Variants in ZHX2 observed in about 807,000 individuals in gnomAD.
ZHX2 encodes zinc fingers and homeoboxes protein 2.
ZHX2 carries 6 observed loss-of-function variants against 21.9 expected under a neutral mutation model. That is an observed-to-expected ratio of 0.27 (90% confidence interval 0.15 to 0.54). The LOEUF is 0.54. ZHX2 is among the 20% of genes least tolerant of loss of function. ZHX2 has a pLI of 0.95. For missense variants in ZHX2, 908 were observed against 1,090.7 expected (o/e 0.83, Z 2.36); for synonymous variants, 434 against 437.1 (o/e 0.99, Z 0.09).
intron 2 of ZHX2, among the ~76,000 whole-genome samples, chr8:122,942,935 G>A (rs1348491915): frequency 1.3e-5 from 2 of 152,166 alleles, no homozygotes; most frequent in East Asian, 1.9e-4. Flanking sequence ...CTGCACCTGC[G>A]TAGTAGCATC....
At chr8:122,946,000 G>A (rs193232583) in intron 2 of ZHX2, among the ~76,000 whole-genome samples, 40 of 152,320 alleles carry the variant, frequency 2.6e-4, no homozygotes, top group African/African-American at 9.1e-4. Flanking sequence ...ACTGTGCCCA[G>A]TTCAGACCCG....
chr8:122,961,325 G>A (rs997644664), intron 3 of ZHX2, among the ~76,000 whole-genome samples: 3 of 152,158 alleles, frequency 2.0e-5, no homozygotes, highest in East Asian at 3.8e-4. Context: ...CTCCTTAAAG[G>A]CACTATCTCC....
intron 1 of ZHX2, among the ~76,000 whole-genome samples, chr8:122,846,549 ATTTTTT>A (rs201581677): frequency 0.034 from 3,807 of 111,270 alleles, 154 homozygotes; most frequent in African/African-American, 0.1. Flanking sequence ...GACTTTGTGT[ATTTTTT>A]TTTTTTTTTT....
At chr8:122,954,834 A>C (rs1813252665) in intron 3 of ZHX2, among the ~76,000 whole-genome samples, 3 of 151,312 alleles carry the variant, frequency 2.0e-5, no homozygotes. Flanking sequence ...CCAAACATGA[A>C]GAGGTTGTTT....
At chr8:122,805,952 G>T (rs757963756) in intron 1 of ZHX2, among the ~76,000 whole-genome samples, 1 of 152,134 alleles carries the variant, frequency 6.6e-6, no homozygotes, top group African/African-American at 2.4e-5. Context: ...TGCCAGAATA[G>T]TGCCCCATCT....
intron 3 of ZHX2, among the ~76,000 whole-genome samples, chr8:122,966,751 C>A (rs1280439566): frequency 6.6e-6 from 1 of 152,146 alleles, no homozygotes; most frequent in Non-Finnish European, 1.5e-5. Flanking sequence ...AATAAATTTT[C>A]TAGACTTTAA....
chr8:122,784,461 C>T (rs978241522), intron 1 of ZHX2, among the ~76,000 whole-genome samples: 1 of 152,136 alleles, frequency 6.6e-6, no homozygotes, highest in African/African-American at 2.4e-5. Flanking sequence ...TTAACCAGTC[C>T]ATTGTAGCAG....
chr8:122,965,167 T>C lies in ZHX2; in HGVS notation c.*5-8075T>C, dbSNP rs535651408. On this transcript the variant is annotated intron_variant, in intron 3 of 3. Coordinates refer to ENST00000314393, the MANE Select transcript of ZHX2 (RefSeq NM_014943.5). Reference sequence around the variant, plus strand: ...TTTCATTTGGTTCTGCTCTAATCTTTGTTATTTCTTTTCTTCTGCTGGGTT... The same window carrying C: ...TTTCATTTGGTTCTGCTCTAATCTTCGTTATTTCTTTTCTTCTGCTGGGTT... Among the ~76,000 whole-genome samples the C allele has an allele frequency of 7.2e-5, 11 of 152,156 alleles. 1 individual carries two copies. The highest frequency in any genetic ancestry group is 2.2e-4 in the African/African-American group (9 of 41,556).
In ZHX2 at chr8:122,901,140, G is replaced by A. The variant is rs147931028; in HGVS notation, c.-220+37601G>A. ...AATTATTAAGCAAAGAGTAATACAC[G>A]TGGTATTTGTCTAGAGCGCAACTCA... On this transcript the variant is annotated intron_variant, in intron 2 of 3. Coordinates refer to ENST00000314393, the MANE Select transcript of ZHX2 (RefSeq NM_014943.5). 3.4e-3 allele frequency among the ~76,000 whole-genome samples: 524 copies of A among 152,244 alleles called. 7 individuals are homozygous for A. Among genetic ancestry groups the A allele is most frequent in the African/African-American group, 0.012 (504 of 41,548 alleles).
At chr8:122,947,774 G>C (rs1334962703) in intron 2 of ZHX2, among the ~76,000 whole-genome samples, 1 of 152,006 alleles carries the variant, frequency 6.6e-6, no homozygotes, top group Non-Finnish European at 1.5e-5. Flanking sequence ...GCTGTGAGGG[G>C]AGTGAGGTCC....
intron 2 of ZHX2, among the ~76,000 whole-genome samples, chr8:122,945,602 G>C (rs539210386): frequency 3.9e-5 from 6 of 152,150 alleles, no homozygotes; most frequent in Non-Finnish European, 8.8e-5. Flanking sequence ...AAGGCAGCAA[G>C]GGTGTATTTG....
chr8:122,914,983 A>G (rs527754822), intron 2 of ZHX2, among the ~76,000 whole-genome samples: 2 of 152,266 alleles, frequency 1.3e-5, no homozygotes, highest in African/African-American at 4.8e-5. Flanking sequence ...TCTAGTTCCT[A>G]CAGCCATTAC....
chr8:122,816,946 C>T (rs918214658), intron 1 of ZHX2, among the ~76,000 whole-genome samples: 2 of 151,698 alleles, frequency 1.3e-5, no homozygotes, highest in African/African-American at 4.9e-5. Context: ...GATTCAGGGA[C>T]CCAGGCTCCT....
At chr8:122,934,603 C>T (rs1812627712) in intron 2 of ZHX2, among the ~76,000 whole-genome samples, 1 of 148,104 alleles carries the variant, frequency 6.8e-6, no homozygotes, top group South Asian at 2.1e-4. Flanking sequence ...TGCAAAGTTC[C>T]TTCCTTCCTT....
intron 2 of ZHX2, among the ~76,000 whole-genome samples, chr8:122,892,853 T>C (rs578124699): frequency 9.9e-5 from 15 of 152,118 alleles, no homozygotes; most frequent in African/African-American, 3.4e-4. Context: ...TTTGGCTAAT[T>C]TTTTGTATTT....
chr8:122,795,707 A>G (rs1021208746), intron 1 of ZHX2, among the ~76,000 whole-genome samples: 2 of 152,216 alleles, frequency 1.3e-5, no homozygotes, highest in Non-Finnish European at 2.9e-5. Flanking sequence ...CCATTGGTAG[A>G]AATTTTTATA....
At chr8:122,905,453 A>T (rs1820324737) in intron 2 of ZHX2, among the ~76,000 whole-genome samples, 1 of 152,258 alleles carries the variant, frequency 6.6e-6, no homozygotes, top group Non-Finnish European at 1.5e-5. Flanking sequence ...GGGGTAGTCA[A>T]GACATTATCA....
rs369179021 is a variant in ZHX2 at position 122,948,618 on chromosome 8, A to G, written c.-219-2674A>G. Among the ~76,000 whole-genome samples the G allele has an allele frequency of 7.4e-4, 112 of 152,244 alleles. 2 individuals carry two copies. Among genetic ancestry groups the G allele is most frequent in the African/African-American group, 2.6e-3 (108 of 41,464 alleles). ...AAAAGTTCTTTTAGAAGCAAGGCATAAGTGCAGTACTCAACAGCTAGATCG... is the reference window on the plus strand; with the variant it reads ...AAAAGTTCTTTTAGAAGCAAGGCATGAGTGCAGTACTCAACAGCTAGATCG... On this transcript the variant is annotated intron_variant, in intron 2 of 3. Transcript: ENST00000314393.
chr8:122,917,221 A>G (rs187745895), intron 2 of ZHX2, among the ~76,000 whole-genome samples: 73 of 151,928 alleles, frequency 4.8e-4, no homozygotes, highest in Middle Eastern at 6.8e-3. Context: ...CCCCCTAACT[A>G]TTTCTGGGAG....
Sources: gnomAD v4.1 joint callset for allele counts (sites outside exome capture counted in the v4.1 genomes callset) on GRCh38, gnomAD v4.1.1 for gene constraint, MANE v1.5 for transcripts, NCBI Gene and HGNC (gene_info 2026-07-23, HGNC 2026-07-21) for gene names.